The following ENKD1 variants were observed in gnomAD, a reference collection of about 807,000 sequenced individuals.
The protein encoded by ENKD1 is enkurin domain containing 1.
Under a neutral mutation model 35.8 loss-of-function variants are expected in ENKD1, and 39 were observed. The observed-to-expected ratio is 1.09, with a 90% CI of 0.84 to 1.42. The LOEUF is 1.42. Among genes scored for constraint, ENKD1 ranks in the 40% most tolerant of loss-of-function variants. The pLI is 0.00. For missense variants in ENKD1, 474 were observed against 471.3 expected (o/e 1.01, Z -0.05); for synonymous variants, 205 against 198.6 (o/e 1.03, Z -0.27).
At chr16:67,664,584 C>A (rs1290759000) in intron 3 of ENKD1, 2 of 312,338 alleles carry the variant, frequency 6.4e-6, no homozygotes, top group Non-Finnish European at 6.1e-6. Context: ...AGACAGAGCC[C>A]CCCACCATAC....
Position 67,663,325 on chromosome 16 carries a change from C to T in ENKD1, c.881-4G>A. ...TCACGCAGCAGCTGGCTCTGGCCTACAGGGGGCCCGGGAACAGTGAGAACA... is the reference window on the plus strand; with the variant it reads ...TCACGCAGCAGCTGGCTCTGGCCTATAGGGGGCCCGGGAACAGTGAGAACA... On this transcript the variant is annotated splice_region_variant and splice_polypyrimidine_tract_variant and intron_variant, in intron 6 of 6. Transcript: ENST00000243878. The T allele has an allele frequency of 6.2e-7, 1 of 1,613,442 alleles. No homozygotes were observed. Among genetic ancestry groups the T allele is most frequent in the Non-Finnish European group, 8.5e-7 (1 of 1,180,002 alleles).
Position 67,666,421 on chromosome 16 carries a change from T to C in ENKD1, c.22A>G (p.Ile8Val). Residue 8 changes from isoleucine to valine, a missense_variant, in exon 1 of 7, where the codon ATC becomes GTC. Ile to Val is a conservative substitution (Grantham distance 29, BLOSUM62 3). Coordinates refer to ENST00000243878, the MANE Select transcript of ENKD1 (RefSeq NM_032140.3). The stretch of plus-strand genomic sequence containing the variant: ...GGGTCTGGGGGGATGGGCCCCGAGA[T>C]GCGGGACGGGCCCTCGCACATGCCG... Reference protein sequence around the residue: MCEGPSRISGPIPPDPTL... With the variant: MCEGPSRVSGPIPPDPTL... The C allele has an allele frequency of 6.5e-7, 1 of 1,546,454 alleles. No individual in the cohort carries two copies. Among genetic ancestry groups the C allele is most frequent in the Non-Finnish European group, 8.7e-7 (1 of 1,154,924 alleles).
At chr16:67,664,705 A>G (rs571714758) in intron 3 of ENKD1, among the ~76,000 whole-genome samples, 1 of 152,270 alleles carries the variant, frequency 6.6e-6, no homozygotes, top group South Asian at 2.1e-4. Context: ...CTTTCCTCAC[A>G]GTGAACTGTA....
rs1042765007 is a variant in ENKD1, at chr16:67,666,478, C to T, written c.-36G>A. On this transcript the variant is annotated 5_prime_UTR_variant, in exon 1 of 7. Coordinates refer to ENST00000243878, the MANE Select transcript of ENKD1 (RefSeq NM_032140.3). ...CCGCCCAGCAACGGTGCCCCGAGGCCTGCAGGGCTGTTTACCTCCCTCCCC... is the reference window on the plus strand; with the variant it reads ...CCGCCCAGCAACGGTGCCCCGAGGCTTGCAGGGCTGTTTACCTCCCTCCCC... 26 of 1,446,802 alleles carry T rather than the reference C, an allele frequency of 1.8e-5. No individual in the cohort carries two copies. The highest frequency in any genetic ancestry group is 2.6e-5 in the Admixed American group (1 of 38,878). 89.6% of individuals were successfully genotyped at this position (1,446,802 alleles called of 1,614,324 possible).
Position 67,663,094 on chromosome 16 carries a change from C to T in ENKD1, c.*67G>A, listed in dbSNP as rs184418769. ...ACCTCTGCTCTGGGATTGGGTCCAA[C>T]CCTGTCCTTTGCAGCCATGTGGCGA... On this transcript the variant is annotated 3_prime_UTR_variant, in exon 7 of 7. Coordinates refer to ENST00000243878, the MANE Select transcript of ENKD1 (RefSeq NM_032140.3). 22 of 1,587,472 alleles carry T rather than the reference C, an allele frequency of 1.4e-5. No individual in the cohort carries two copies. Among genetic ancestry groups the T allele is most frequent in the Non-Finnish European group, 8.6e-7 (1 of 1,165,858 alleles).
intron 2 of ENKD1, among the ~76,000 whole-genome samples, 177 bp downstream of exon 2, chr16:67,665,894 T>A (rs894991907): frequency 3.3e-5 from 5 of 152,232 alleles, no homozygotes; most frequent in African/African-American, 1.2e-4. Flanking sequence ...GGGAACTACC[T>A]CATTCAGTTC....
intron 2 of ENKD1, 43 bp downstream of exon 2, chr16:67,666,028 C>T: frequency 1.3e-6 from 2 of 1,588,466 alleles, no homozygotes; most frequent in Non-Finnish European, 1.7e-6. Flanking sequence ...CTCTTTCCAC[C>T]CCGCACTGCC....
At chr16:67,665,237 A>C (rs2053085709) in intron 2 of ENKD1, 69 bp from the exon 3 acceptor site, 21 of 1,529,584 alleles carry the variant, frequency 1.4e-5, no homozygotes, top group Middle Eastern at 3.6e-4. Flanking sequence ...ACTAGTTCAC[A>C]CACAGGCCTG....
In ENKD1 at chr16:67,663,730, C is replaced by T. The variant is rs149787550; in HGVS notation, c.670G>A (p.Ala224Thr). 5,364 of 1,612,448 alleles carry T rather than the reference C, an allele frequency of 3.3e-3. 265 individuals are homozygous for T. In the Admixed American group the frequency reaches 0.08, roughly 24 times the overall value. ...TGCCGCTGCTGCTCTAGCACTTGTG[C>T]CAGGACCTGCAGTGAGCAGGAATGC... The part of the protein sequence containing the change: ...RRHSCSLQVL[A>T]QVLEQQRQAQ... Residue 224 changes from alanine to threonine, a missense_variant, in exon 5 of 7, where the codon GCA becomes ACA. Transcript: ENST00000243878.
Position 67,666,535 on chromosome 16 carries a change from C to T in ENKD1, c.-93G>A, listed in dbSNP as rs1438549572. 3.3e-6 allele frequency: 4 copies of T among 1,205,280 alleles called. No individual in the cohort carries two copies. In the East Asian group the frequency reaches 9.4e-5, roughly 28 times the overall value. The allele number at this position is 1,205,280 out of a possible 1,614,324, so 74.7% of individuals were successfully genotyped here. A position where few individuals can be genotyped will look rare whatever the true frequency, so the allele number is the denominator to read the frequency against. On this transcript the variant is annotated 5_prime_UTR_variant, in exon 1 of 7. Coordinates refer to ENST00000243878, the MANE Select transcript of ENKD1 (RefSeq NM_032140.3). ...CCTTCCCCAACCCCGGGCCCCCTCCCTCGCCCGGCACCCTGACCCTGGCGT... is the reference window on the plus strand; with the variant it reads ...CCTTCCCCAACCCCGGGCCCCCTCCTTCGCCCGGCACCCTGACCCTGGCGT...
In ENKD1 at chr16:67,666,350, G is replaced by A; in HGVS notation, c.85+8C>T. On this transcript the variant is annotated splice_region_variant and intron_variant, in intron 1 of 6. Coordinates refer to ENST00000243878, the MANE Select transcript of ENKD1 (RefSeq NM_032140.3). ...AGCCTCGCACCACCGCCAAGCCCCC[G>A]GACTCACCCGAGGTCGGCCGCCTGT... The A allele has an allele frequency of 6.3e-7, 1 of 1,581,860 alleles. No homozygotes were observed. The highest frequency in any genetic ancestry group is 8.5e-7 in the Non-Finnish European group (1 of 1,170,086).
At chr16:67,664,400 C>T in intron 3 of ENKD1, 2 of 408,894 alleles carry the variant, frequency 4.9e-6, no homozygotes, top group East Asian at 5.9e-5. Context: ...GTCTCGTTGT[C>T]CTCAACCTGA....
chr16:67,664,537 C>T, intron 3 of ENKD1: 1 of 333,376 alleles, frequency 3.0e-6, no homozygotes, highest in South Asian at 2.5e-5. Flanking sequence ...GTGACCTTGC[C>T]TTTCCTCTCA....
In ENKD1 at chr16:67,666,541, C is replaced by CAGGGTGCCGGGCGA; in HGVS notation, c.-100_-99insTCGCCCGGCACCCT. On this transcript the variant is annotated 5_prime_UTR_variant, in exon 1 of 7. Coordinates refer to ENST00000243878, the MANE Select transcript of ENKD1 (RefSeq NM_032140.3). ...CCAACCCCGGGCCCCCTCCCTCGCC[C>CAGGGTGCCGGGCGA]GGCACCCTGACCCTGGCGTGCCCGC... is the stretch of plus-strand genomic sequence containing the variant. 1.7e-6 allele frequency: 2 copies of CAGGGTGCCGGGCGA among 1,170,246 alleles called. No individual in the cohort carries two copies. Among genetic ancestry groups the CAGGGTGCCGGGCGA allele is most frequent in the Non-Finnish European group, 1.1e-6 (1 of 884,252 alleles). The allele number at this position is 1,170,246 out of a possible 1,614,324, so 72.5% of individuals were successfully genotyped here.
Position 67,663,670 on chromosome 16 carries a change from G to A in ENKD1, c.730C>T (p.His244Tyr). 6.2e-7 allele frequency: 1 copy of A among 1,612,084 alleles called. No individual in the cohort carries two copies. The highest frequency in any genetic ancestry group is 8.5e-7 in the Non-Finnish European group (1 of 1,178,736). The change falls in exon 5 of 7, where the codon CAT becomes TAT. Residue 244 changes from histidine (H) to tyrosine (Y), a missense_variant. His to Tyr is a moderately conservative substitution (Grantham distance 83). Coordinates refer to ENST00000243878, the MANE Select transcript of ENKD1 (RefSeq NM_032140.3). ...AGTGAGACCTACTAATGTGGCACATGGCCCTTCTGCGTGGCATTGTAGTGC... is the reference window on the plus strand; with the variant it reads ...AGTGAGACCTACTAATGTGGCACATAGCCCTTCTGCGTGGCATTGTAGTGC... ...QEHYNATQKG[H>Y]VPHYLLERRD...
rs538477292 is a variant in ENKD1 at position 67,665,108 on chromosome 16, C to T, written c.341G>A (p.Arg114His). The T allele has an allele frequency of 5.0e-6, 8 of 1,613,946 alleles. No homozygotes were observed. The highest frequency in any genetic ancestry group is 2.2e-5 in the East Asian group (1 of 44,886). The stretch of plus-strand genomic sequence containing the variant: ...CCGGCTGCGCTCCTGTTCTCTGAAG[C>T]GCTTCTGAATCTCCCTGATCCGCCT... Reference protein sequence around the residue: ...NLRRIREIQKRFREQERSREQ... With the variant: ...NLRRIREIQKHFREQERSREQ... Residue 114 changes from arginine (R) to histidine (H), a missense_variant, in exon 3 of 7, where the codon CGC (arginine) becomes CAC (histidine). Coordinates refer to ENST00000243878, the MANE Select transcript of ENKD1 (RefSeq NM_032140.3).
At chr16:67,663,879 C>A (rs961213972) in intron 4 of ENKD1, 58 bp downstream of exon 4, 4 of 1,581,230 alleles carry the variant, frequency 2.5e-6, no homozygotes, top group South Asian at 2.3e-5. Flanking sequence ...TCCCTGAACA[C>A]CCCCCCCACA....
At position 67,664,035 on chromosome 16, in the gene ENKD1, ACT is replaced by A. The variant is rs1425403959; in HGVS notation, c.479_480del (p.Glu160ValfsTer22). 1.9e-6 allele frequency: 3 copies of A among 1,561,152 alleles called. No individual in the cohort carries two copies. The highest frequency in any genetic ancestry group is 2.7e-5 in the African/African-American group (2 of 73,526). On this transcript the variant is annotated frameshift_variant, in exon 4 of 7. Transcript: ENST00000243878. LOFTEE classifies it high-confidence loss of function. ...LQEPGPASGT[E>X]SAHFLRAHSR... ...GAGTGCGCCCGCAGGAAGTGGGCAGACTCTGTCCCAGAGGCAGGGCCAGGCTC... is the reference window on the plus strand; with the variant it reads ...GAGTGCGCCCGCAGGAAGTGGGCAGACTGTCCCAGAGGCAGGGCCAGGCTC...
chr16:67,663,825 A>AG lies in ENKD1; in HGVS notation c.580-6dup, dbSNP rs746572747. ...GTCCACCCCCAGGCCTGGCTCCTGC[A>AG]GGACACAGCAAGCGTGGGTGGGGGC... On this transcript the variant is annotated splice_region_variant and splice_polypyrimidine_tract_variant and intron_variant, in intron 4 of 6. Transcript: ENST00000243878. The AG allele has an allele frequency of 3.7e-6, 6 of 1,604,730 alleles. No individual in the cohort carries two copies. In the African/African-American group the frequency reaches 6.7e-5, roughly 18 times the overall value.
Sources: gnomAD v4.1 joint callset for allele counts (sites outside exome capture counted in the v4.1 genomes callset) on GRCh38, gnomAD v4.1.1 for gene constraint, MANE v1.5 for transcripts, NCBI Gene and HGNC (gene_info 2026-07-23, HGNC 2026-07-21) for gene names.